SEMA3E: variants seen among roughly 807,000 people sequenced by gnomAD.
SEMA3E encodes semaphorin-3E.
Under a neutral mutation model 93.6 loss-of-function variants are expected in SEMA3E, and 49 were observed. The observed-to-expected ratio is 0.52, with a 90% CI of 0.42 to 0.66. SEMA3E has a LOEUF of 0.66. Among genes scored for constraint, SEMA3E ranks in the 30% least tolerant of loss-of-function variants. The pLI is 0.00. For synonymous variants in SEMA3E, 363 were observed against 330.7 expected (o/e 1.10, Z -1.06); for missense variants, 906 against 964.8 (o/e 0.94, Z 0.81).
At chr7:83,477,635 TATG>T (rs1391524383) in intron 2 of SEMA3E, among the ~76,000 whole-genome samples, 2 of 152,044 alleles carry the variant, frequency 1.3e-5, no homozygotes, top group Non-Finnish European at 2.9e-5. Flanking sequence ...ACTAGAAAAA[TATG>T]ATAACTACAC....
intron 1 of SEMA3E, among the ~76,000 whole-genome samples, chr7:83,544,484 T>C (rs1791604131): frequency 6.6e-6 from 1 of 152,030 alleles, no homozygotes. Flanking sequence ...ATGAGAAAGG[T>C]TTCTGCTGTA....
At chr7:83,425,027 T>C (rs1788741482) in intron 4 of SEMA3E, 1 of 194,150 alleles carries the variant, frequency 5.2e-6, no homozygotes, top group Admixed American at 5.1e-5. Context: ...TGTGACTGCT[T>C]GCATTTTGGG....
At chr7:83,406,707 T>A (rs946347818) in intron 7 of SEMA3E, among the ~76,000 whole-genome samples, 2 of 152,100 alleles carry the variant, frequency 1.3e-5, no homozygotes, top group Non-Finnish European at 1.5e-5. Flanking sequence ...TACAGATGGC[T>A]TTTTTAAAAA....
chr7:83,578,996 CTA>C lies in SEMA3E; in HGVS notation c.115+69430_115+69431del, dbSNP rs1270373466. 4.6e-5 allele frequency among the ~76,000 whole-genome samples: 7 copies of C among 152,098 alleles called. No homozygotes were observed. In the Middle Eastern group the frequency reaches 0.01, roughly 223 times the overall value. On this transcript the variant is annotated intron_variant, in intron 1 of 16. Coordinates refer to ENST00000643230, the MANE Select transcript of SEMA3E (RefSeq NM_012431.3). The stretch of plus-strand genomic sequence containing the variant: ...AAATATATAGAAATTAAATTAATAA[CTA>C]TCGATATTATAGTATTTAATATAAG...
chr7:83,470,352 TTCTTTC>T (rs1789866010), intron 2 of SEMA3E, among the ~76,000 whole-genome samples: 2 of 18,848 alleles, frequency 1.1e-4, no homozygotes, highest in South Asian at 3.2e-3. Context: ...CTTTATCACT[TTCTTTC>T]CTTTTCTTTT....
intron 16 of SEMA3E, among the ~76,000 whole-genome samples, chr7:83,376,812 G>C: frequency 6.6e-6 from 1 of 151,868 alleles, no homozygotes; most frequent in East Asian, 1.9e-4. Flanking sequence ...ATTTTAAAGT[G>C]ATACACTTTA....
At chr7:83,520,966 G>A (rs1488871278) in intron 1 of SEMA3E, among the ~76,000 whole-genome samples, 1 of 152,184 alleles carries the variant, frequency 6.6e-6, no homozygotes, top group Non-Finnish European at 1.5e-5. Flanking sequence ...GTTGTGGGGT[G>A]ACTGAGATGT....
intron 1 of SEMA3E, among the ~76,000 whole-genome samples, chr7:83,493,122 A>G (rs780313131): frequency 3.3e-5 from 5 of 152,014 alleles, no homozygotes; most frequent in Non-Finnish European, 5.9e-5. Flanking sequence ...TGAAGCTGAT[A>G]AAACAGTGCA....
chr7:83,481,513 A>C (rs1229374938), intron 2 of SEMA3E, among the ~76,000 whole-genome samples: 1 of 152,184 alleles, frequency 6.6e-6, no homozygotes, highest in Non-Finnish European at 1.5e-5. Context: ...AAAATGCAAA[A>C]ACTATTCTCT....
chr7:83,455,452 C>T (rs1308614288), intron 4 of SEMA3E, among the ~76,000 whole-genome samples: 3 of 152,190 alleles, frequency 2.0e-5, no homozygotes, highest in Admixed American at 2.0e-4. Context: ...CTCCCAGAAA[C>T]ATTTTCTAAA....
At chr7:83,459,483 A>G (rs545720143) in intron 4 of SEMA3E, among the ~76,000 whole-genome samples, 1 of 152,318 alleles carries the variant, frequency 6.6e-6, no homozygotes, top group African/African-American at 2.4e-5. Flanking sequence ...ACATAGGTAT[A>G]CTTTGTTGTA....
intron 1 of SEMA3E, among the ~76,000 whole-genome samples, chr7:83,640,696 C>A (rs1199836114): frequency 2.0e-5 from 3 of 152,074 alleles, no homozygotes; most frequent in African/African-American, 7.2e-5. Context: ...ACACAGAAGG[C>A]CAATGAATAC....
intron 11 of SEMA3E, among the ~76,000 whole-genome samples, chr7:83,397,392 A>G (rs1221741593): frequency 6.6e-6 from 1 of 152,238 alleles, no homozygotes; most frequent in Non-Finnish European, 1.5e-5. Flanking sequence ...TTTTTTTACC[A>G]AAAGCTACTT....
chr7:83,568,361 C>T (rs1317770885), intron 1 of SEMA3E, among the ~76,000 whole-genome samples: 2 of 152,004 alleles, frequency 1.3e-5, no homozygotes, highest in Non-Finnish European at 2.9e-5. Flanking sequence ...AGGTATTCTC[C>T]CTAACTCATT....
chr7:83,533,947 T>C (rs1370263333), intron 1 of SEMA3E, among the ~76,000 whole-genome samples: 2 of 152,186 alleles, frequency 1.3e-5, no homozygotes, highest in African/African-American at 4.8e-5. Context: ...TTCTTGCCTC[T>C]AGGACTCTCC....
Position 83,623,712 on chromosome 7 carries a change from T to C in SEMA3E, c.115+24716A>G, listed in dbSNP as rs905986994. On this transcript the variant is annotated intron_variant, in intron 1 of 16. Coordinates refer to ENST00000643230, the MANE Select transcript of SEMA3E (RefSeq NM_012431.3). ...ACAATTATTCCTTACTTACCTGAGA[T>C]AGATTAAATTTAAAAATTGTTTCAT... Among the ~76,000 whole-genome samples, 10 of 152,266 alleles carry C rather than the reference T, an allele frequency of 6.6e-5. 1 individual carries two copies. The highest frequency in any genetic ancestry group is 3.9e-4 in the Admixed American group (6 of 15,260).
intron 1 of SEMA3E, among the ~76,000 whole-genome samples, chr7:83,574,466 A>C (rs1220363289): frequency 8.7e-6 from 1 of 114,840 alleles, no homozygotes; most frequent in Non-Finnish European, 1.7e-5. Context: ...TTTAAAAAAA[A>C]AAAAAGAGAG....
Position 83,434,094 on chromosome 7 carries a change from G to T in SEMA3E, c.457-15611C>A, listed in dbSNP as rs918310114. On this transcript the variant is annotated intron_variant, in intron 4 of 16. Coordinates refer to ENST00000643230, the MANE Select transcript of SEMA3E (RefSeq NM_012431.3). ...ACCATTACTTTTCATGGCAAAACCT[G>T]CAAGTTATGTTTGCACCAACCTACT... Among the ~76,000 whole-genome samples the T allele has an allele frequency of 2.6e-5, 4 of 151,954 alleles. No homozygotes were observed. In the East Asian group the frequency reaches 5.8e-4, roughly 22 times the overall value.
intron 2 of SEMA3E, among the ~76,000 whole-genome samples, chr7:83,481,075 A>C (rs1255572369): frequency 6.6e-6 from 1 of 152,208 alleles, no homozygotes; most frequent in African/African-American, 2.4e-5. Flanking sequence ...ATGAATAGCC[A>C]TGAATGCCAA....
Sources: gnomAD v4.1 joint callset for allele counts (sites outside exome capture counted in the v4.1 genomes callset) on GRCh38, gnomAD v4.1.1 for gene constraint, MANE v1.5 for transcripts, NCBI Gene and HGNC (gene_info 2026-07-23, HGNC 2026-07-21) for gene names.